The following PPP2R2B variants were observed in gnomAD, a reference collection of about 807,000 sequenced individuals.
PPP2R2B encodes serine/threonine-protein phosphatase 2A 55 kDa regulatory subunit B beta isoform.
A neutral mutation model predicts 46.0 loss-of-function variants in PPP2R2B; 5 were observed. The observed-to-expected ratio is 0.11, with a 90% CI of 0.06 to 0.23. PPP2R2B has a LOEUF of 0.23. Among genes scored for constraint, PPP2R2B ranks in the 10% least tolerant of loss-of-function variants. PPP2R2B has a pLI of 1.00. For missense variants in PPP2R2B, 367 were observed against 575.0 expected, an observed-to-expected ratio of 0.64 and a Z score of 3.70; for synonymous variants, 215 against 206.7, an observed-to-expected ratio of 1.04 and a Z score of -0.34.
intron 2 of PPP2R2B, among the ~76,000 whole-genome samples, chr5:146,841,699 C>A (rs557401717): frequency 6.6e-6 from 1 of 152,098 alleles, no homozygotes; most frequent in Non-Finnish European, 1.5e-5. Flanking sequence ...AACCAAACAC[C>A]GCATGTTCTC....
At chr5:146,725,920 A>G (rs141192534) in intron 2 of PPP2R2B, among the ~76,000 whole-genome samples, 6 of 152,318 alleles carry the variant, frequency 3.9e-5, no homozygotes, top group African/African-American at 9.6e-5. Flanking sequence ...TGAAAATTAT[A>G]ACAAGAAAAC....
At chr5:146,929,892 G>C (rs964245) in intron 1 of PPP2R2B, among the ~76,000 whole-genome samples, 25,934 of 152,008 alleles carry the variant, frequency 0.17, 2,456 homozygotes, top group East Asian at 0.28. Flanking sequence ...GATAATATAA[G>C]TAAAGAGGGC....
intron 1 of PPP2R2B, among the ~76,000 whole-genome samples, chr5:146,930,267 G>A (rs1582447908): frequency 6.6e-6 from 1 of 152,272 alleles, no homozygotes; most frequent in East Asian, 1.9e-4. Context: ...AGCAGCACAG[G>A]CAGAAGGAAC....
chr5:146,980,238 G>T (rs550056895), intron 1 of PPP2R2B, among the ~76,000 whole-genome samples: 2 of 152,236 alleles, frequency 1.3e-5, no homozygotes, highest in South Asian at 4.1e-4. Context: ...CTCCCAACTA[G>T]ATGTTGGGCA....
chr5:146,601,270 T>C (rs1581686635), intron 7 of PPP2R2B, among the ~76,000 whole-genome samples: 1 of 152,328 alleles, frequency 6.6e-6, no homozygotes, highest in East Asian at 1.9e-4. Context: ...TCTGGTCATA[T>C]GTTTTCATTT....
Position 146,737,596 on chromosome 5 carries a change from C to CT in PPP2R2B, c.71-36455dup, listed in dbSNP as rs199687353. 2.8e-3 allele frequency among the ~76,000 whole-genome samples: 422 copies of CT among 151,810 alleles called. 4 individuals are homozygous for CT. The highest frequency in any genetic ancestry group is 1.7e-3 in the Non-Finnish European group (114 of 67,894). ...AGCTTGTACTTTTTGATCCATTCCG[C>CT]TTTTTTTTGCCACATTAGTAATATA... On this transcript the variant is annotated intron_variant, in intron 2 of 9. Coordinates refer to ENST00000394411, the MANE Select transcript of PPP2R2B (RefSeq NM_181675.4).
intron 7 of PPP2R2B, among the ~76,000 whole-genome samples, chr5:146,628,941 C>T (rs1344074287): frequency 6.6e-6 from 1 of 152,176 alleles, no homozygotes; most frequent in Non-Finnish European, 1.5e-5. Context: ...TCCCTGGTAG[C>T]TCATACTTGA....
chr5:146,975,423 T>A (rs972949926), intron 1 of PPP2R2B, among the ~76,000 whole-genome samples: 14 of 152,256 alleles, frequency 9.2e-5, no homozygotes, highest in Admixed American at 3.3e-4. Flanking sequence ...ACATTTGTGT[T>A]GCTTTCAACT....
chr5:146,637,971 G>A (rs900315409), intron 7 of PPP2R2B, among the ~76,000 whole-genome samples: 1 of 152,132 alleles, frequency 6.6e-6, no homozygotes, highest in African/African-American at 2.4e-5. Flanking sequence ...ATGGCAGCAA[G>A]CATGATTTCC....
intron 1 of PPP2R2B, among the ~76,000 whole-genome samples, chr5:147,018,464 A>G (rs899119470): frequency 4.6e-5 from 7 of 152,194 alleles, no homozygotes; most frequent in African/African-American, 1.7e-4. Context: ...CTCATTTTTT[A>G]TATATATTTT....
chr5:146,949,907 C>A (rs1764598665), intron 1 of PPP2R2B, among the ~76,000 whole-genome samples: 1 of 151,810 alleles, frequency 6.6e-6, no homozygotes, highest in Non-Finnish European at 1.5e-5. Flanking sequence ...ATAAGCCAGG[C>A]ACAGAAAGAC....
intron 2 of PPP2R2B, among the ~76,000 whole-genome samples, chr5:146,826,487 G>A (rs188500754): frequency 1.1e-3 from 164 of 152,198 alleles, no homozygotes; most frequent in African/African-American, 3.8e-3. Context: ...TCTAACCCAA[G>A]ATAATCTTCA....
chr5:147,038,789 G>A (rs966713078), intron 1 of PPP2R2B, among the ~76,000 whole-genome samples: 2 of 152,142 alleles, frequency 1.3e-5, no homozygotes, highest in South Asian at 2.1e-4. Flanking sequence ...CACTTAGCTA[G>A]TAGGTAGAAA....
chr5:146,605,543 C>T (rs1441544701), intron 7 of PPP2R2B, among the ~76,000 whole-genome samples: 1 of 152,200 alleles, frequency 6.6e-6, no homozygotes, highest in Non-Finnish European at 1.5e-5. Flanking sequence ...AACGCAATTA[C>T]CCTATTGTTG....
At chr5:146,895,695 A>C (rs1410261023) in intron 1 of PPP2R2B, among the ~76,000 whole-genome samples, 2 of 152,172 alleles carry the variant, frequency 1.3e-5, no homozygotes, top group African/African-American at 4.8e-5. Flanking sequence ...TGTTCCTACA[A>C]ATTTAGTAAT....
At position 146,687,752 on chromosome 5, in the gene PPP2R2B, G is replaced by T. The variant is rs139733719; in HGVS notation, c.447+3376C>A. Among the ~76,000 whole-genome samples, 158 of 152,302 alleles carry T rather than the reference G, an allele frequency of 1.0e-3. 1 individual carries two copies. Among genetic ancestry groups the T allele is most frequent in the Non-Finnish European group, 1.8e-3 (125 of 68,032 alleles). On this transcript the variant is annotated intron_variant, in intron 5 of 9. Transcript: ENST00000394411. The stretch of plus-strand genomic sequence containing the variant: ...TTTTGAAAGGCTATCTTCTATGAAA[G>T]ATATAGTCACATTCTTGCTTTGAAA...
intron 6 of PPP2R2B, among the ~76,000 whole-genome samples, chr5:146,640,919 C>T (rs1351543208): frequency 2.6e-5 from 4 of 152,160 alleles, no homozygotes; most frequent in Non-Finnish European, 5.9e-5. Context: ...CTACCCACCA[C>T]CCAGCCCTCA....
intron 1 of PPP2R2B, among the ~76,000 whole-genome samples, chr5:146,936,495 G>T: frequency 7.4e-6 from 1 of 134,444 alleles, no homozygotes; most frequent in Non-Finnish European, 1.6e-5. Flanking sequence ...ACCCTAGACA[G>T]TTATGAAGGA....
At chr5:146,711,026 A>G (rs1355637374) in intron 2 of PPP2R2B, among the ~76,000 whole-genome samples, 2 of 152,208 alleles carry the variant, frequency 1.3e-5, no homozygotes, top group African/African-American at 2.4e-5. Context: ...AGCCCAACAC[A>G]GCTCCCTTTA....
Sources: allele counts gnomAD v4.1 joint callset (sites outside exome capture counted in the v4.1 genomes callset), GRCh38; gene constraint gnomAD v4.1.1; transcripts MANE v1.5; gene names NCBI Gene and HGNC (gene_info 2026-07-23, HGNC 2026-07-21).